S100A5: variants seen among roughly 807,000 people sequenced by gnomAD.
S100A5 encodes protein S100-A5.
Under a neutral mutation model 6.7 loss-of-function variants are expected in S100A5, and 5 were observed. The observed-to-expected ratio is 0.75, with a 90% CI of 0.39 to 1.57. S100A5 has a LOEUF of 1.57. S100A5 is among the 40% of genes most tolerant of loss of function. S100A5 has a pLI of 0.03. For synonymous variants in S100A5, 49 were observed against 44.9 expected (o/e 1.09, Z -0.37); for missense variants, 129 against 110.8 (o/e 1.16, Z -0.74).
upstream of S100A5, among the ~76,000 whole-genome samples, chr1:153,542,294 G>T (rs1167010429): frequency 6.6e-6 from 1 of 152,170 alleles, no homozygotes; most frequent in Non-Finnish European, 1.5e-5. Flanking sequence ...AGCCTGGGGG[G>T]CCTCCCCACT....
At chr1:153,543,161 C>A, upstream of S100A5, 1 of 941,884 alleles carries the variant, frequency 1.1e-6, no homozygotes, top group Non-Finnish European at 1.3e-6. Flanking sequence ...GCACTGAGTG[C>A]CAGCCCTCCT....
rs182994825 is a variant in S100A5, at chr1:153,540,553, C to T, written c.-15+68G>A. The T allele has an allele frequency of 6.1e-4, 113 of 186,102 alleles. 3 individuals are homozygous for T. In the East Asian group the frequency reaches 7.6e-3, roughly 12 times the overall value. 11.5% of individuals were successfully genotyped at this position (186,102 alleles called of 1,614,324 possible). A position where few individuals can be genotyped will look rare whatever the true frequency, so the allele number is the denominator to read the frequency against. On this transcript the variant is annotated intron_variant, in intron 1 of 2. Coordinates refer to ENST00000368717, the MANE Select transcript of S100A5 (RefSeq NM_001394232.1). ...ATCAAGGGTCACGATTTTCTCTCTG[C>T]TTCTTCCAGCTTAGGAACTGGTTTT...
In S100A5 at chr1:153,537,191, T is replaced by A; in HGVS notation, c.*105A>T. ...AACTTTATTTCCTCCCATGGAAGGG[T>A]CCATCTGGGAGGGAGAGGAGGGCAG... On this transcript the variant is annotated 3_prime_UTR_variant, in exon 3 of 3. Transcript: ENST00000368717. The A allele has an allele frequency of 7.9e-7, 1 of 1,270,446 alleles. No homozygotes were observed. Among genetic ancestry groups the A allele is most frequent in the Non-Finnish European group, 1.1e-6 (1 of 899,402 alleles). The allele number at this position is 1,270,446 out of a possible 1,614,324, so 78.7% of individuals were successfully genotyped here.
intron 2 of S100A5, among the ~76,000 whole-genome samples, chr1:153,539,747 A>G (rs1316038627): frequency 6.6e-6 from 1 of 151,886 alleles, no homozygotes; most frequent in East Asian, 1.9e-4. Flanking sequence ...TTCACCACCC[A>G]TGACCCCTAG....
Position 153,540,077 on chromosome 1 carries a change from T to C in S100A5, c.115A>G (p.Lys39Glu). ...ACCTCCCCAAGACACAGCTCTTTCTTGATCAGCTCCTTGAGTTCCTTCCTA... is the reference window on the plus strand; with the variant it reads ...ACCTCCCCAAGACACAGCTCTTTCTCGATCAGCTCCTTGAGTTCCTTCCTA... Reference protein sequence around the residue: ...LSRKELKELIKKELCLGEMKE... With the variant: ...LSRKELKELIEKELCLGEMKE... The change falls in exon 2 of 3, where the codon AAG (lysine) becomes GAG (glutamate). Residue 39 changes from lysine (K) to glutamate (E), a missense_variant. Physicochemically the swap from Lys to Glu is moderately conservative, Grantham distance 56. Coordinates refer to ENST00000368717, the MANE Select transcript of S100A5 (RefSeq NM_001394232.1). The C allele has an allele frequency of 2.5e-6, 4 of 1,614,186 alleles. No individual in the cohort carries two copies. The highest frequency in any genetic ancestry group is 2.5e-6 in the Non-Finnish European group (3 of 1,180,028).
At chr1:153,539,794 C>T (rs1232574523) in intron 2 of S100A5, among the ~76,000 whole-genome samples, 1 of 152,084 alleles carries the variant, frequency 6.6e-6, no homozygotes, top group Non-Finnish European at 1.5e-5. Context: ...CCTGGCCCCA[C>T]CATCGAAGGC....
At chr1:153,540,460 G>A (rs890378282) in intron 1 of S100A5, among the ~76,000 whole-genome samples, 161 bp downstream of exon 1, 1 of 152,210 alleles carries the variant, frequency 6.6e-6, no homozygotes, top group East Asian at 1.9e-4. Flanking sequence ...TTGTTGAAAA[G>A]TAGGCCTGAG....
chr1:153,541,918 T>A (rs926930080), upstream of S100A5: 18 of 984,740 alleles, frequency 1.8e-5, no homozygotes, highest in Middle Eastern at 1.0e-3. Flanking sequence ...ATGGTCAAGG[T>A]CATGAGCTAA....
chr1:153,543,075 GATTAATCC>G (rs1369019412), upstream of S100A5, among the ~76,000 whole-genome samples: 1 of 152,160 alleles, frequency 6.6e-6, no homozygotes, highest in Non-Finnish European at 1.5e-5. Flanking sequence ...CACAGGAAAG[GATTAATCC>G]ATCCCTGTGG....
Position 153,537,255 on chromosome 1 carries a change from A to G in S100A5, c.*41T>C. On this transcript the variant is annotated 3_prime_UTR_variant, in exon 3 of 3. Transcript: ENST00000368717. ...GTCTGTGAGAGGAGCAGCCGAGGTCAGCAGCAAAGGGTGGAGGGTGAGGGT... is the reference window on the plus strand; with the variant it reads ...GTCTGTGAGAGGAGCAGCCGAGGTCGGCAGCAAAGGGTGGAGGGTGAGGGT... 6.3e-7 allele frequency: 1 copy of G among 1,596,612 alleles called. No individual in the cohort carries two copies.
At chr1:153,539,048 T>C (rs1048919166) in intron 2 of S100A5, among the ~76,000 whole-genome samples, 1 of 152,146 alleles carries the variant, frequency 6.6e-6, no homozygotes, top group African/African-American at 2.4e-5. Flanking sequence ...GAGGATCACT[T>C]GAGCCTGAAA....
chr1:153,543,403 G>C (rs1022174294), upstream of S100A5: 5 of 558,588 alleles, frequency 9.0e-6, no homozygotes, highest in Admixed American at 6.3e-5. Flanking sequence ...ACCTTGGCAG[G>C]GGGGTGGTGA....
At chr1:153,543,293 T>C, upstream of S100A5, 1 of 985,316 alleles carries the variant, frequency 1.0e-6, no homozygotes, top group African/African-American at 1.7e-5. Flanking sequence ...GATATGACCT[T>C]CAATTCCAGC....
At chr1:153,537,952 C>G (rs1056388038) in intron 2 of S100A5, among the ~76,000 whole-genome samples, 2 of 151,756 alleles carry the variant, frequency 1.3e-5, no homozygotes, top group Admixed American at 6.6e-5. Flanking sequence ...AAGGCTGAGG[C>G]AGGAGAATCG....
At chr1:153,543,678 C>A, upstream of S100A5, 1 of 1,370,640 alleles carries the variant, frequency 7.3e-7, no homozygotes, top group Admixed American at 2.0e-5. Flanking sequence ...TCTGAAGGAG[C>A]CAGGGTGGAA....
At chr1:153,537,576 C>A in intron 2 of S100A5, 140 bp from the exon 3 acceptor site, 1 of 1,071,694 alleles carries the variant, frequency 9.3e-7, no homozygotes. Flanking sequence ...TCTCGACCCC[C>A]AGAGTCTGCC....
chr1:153,542,515 G>A (rs973928111), upstream of S100A5, among the ~76,000 whole-genome samples: 2 of 152,162 alleles, frequency 1.3e-5, no homozygotes, highest in African/African-American at 2.4e-5. Context: ...CAAACCCTGC[G>A]GGAACATCTG....
At chr1:153,543,607 A>C, upstream of S100A5, 1 of 825,342 alleles carries the variant, frequency 1.2e-6, no homozygotes, top group East Asian at 2.5e-5. Context: ...AGAGTCTCTC[A>C]AACCATCAGC....
At chr1:153,539,155 C>T (rs1211068891) in intron 2 of S100A5, among the ~76,000 whole-genome samples, 1 of 151,640 alleles carries the variant, frequency 6.6e-6, no homozygotes, top group Admixed American at 6.6e-5. Flanking sequence ...TGGCCAGGCG[C>T]AGTGGCTCAC....
Sources: allele counts gnomAD v4.1 joint callset (sites outside exome capture counted in the v4.1 genomes callset), GRCh38; gene constraint gnomAD v4.1.1; transcripts MANE v1.5; gene names NCBI Gene and HGNC (gene_info 2026-07-23, HGNC 2026-07-21).